VSIG2: variants seen among roughly 807,000 people sequenced by gnomAD.
VSIG2 encodes the protein V-set and immunoglobulin domain-containing protein 2.
VSIG2 carries 30 observed loss-of-function variants against 29.4 expected under a neutral mutation model. The ratio of observed to expected loss-of-function variants is 1.02; its 90% CI spans 0.76 to 1.38. VSIG2 has a LOEUF of 1.38. Ranked by LOEUF, VSIG2 falls within the 40% of genes most tolerant of loss-of-function variation. The pLI, the probability that VSIG2 is intolerant of heterozygous loss-of-function variation, is 0.00. For missense variants in VSIG2, 421 were observed against 400.8 expected (o/e 1.05, Z -0.43); for synonymous variants, 178 against 174.2 (o/e 1.02, Z -0.17).
intron 6 of VSIG2, among the ~76,000 whole-genome samples, chr11:124,747,945 C>G (rs755597039): frequency 2.0e-5 from 3 of 152,072 alleles, no homozygotes; most frequent in Admixed American, 1.3e-4. Context: ...TATCCTAGAC[C>G]CTGACTGGCA....
rs143897901 is a variant in VSIG2, at chr11:124,750,755, A to T, written c.386T>A (p.Phe129Tyr). The change falls in exon 3 of 7, where the codon TTC (phenylalanine) becomes TAC (tyrosine). Residue 129 changes from phenylalanine (F) to tyrosine (Y), a missense_variant. Transcript: ENST00000326621. ...GATTAGCCCCAACCCATTGGTGTAG[A>T]AATCTGGTGGGTTGTTGACTTGGCA... ...YLCQVNNPPD[F>Y]YTNGLGLINL... 10 of 1,613,402 alleles carry T rather than the reference A, an allele frequency of 6.2e-6. No homozygotes were observed. Among genetic ancestry groups the T allele is most frequent in the Middle Eastern group, 3.3e-4 (2 of 6,062 alleles).
intron 4 of VSIG2, among the ~76,000 whole-genome samples, chr11:124,749,008 G>A (rs984251992): frequency 1.3e-5 from 2 of 152,114 alleles, no homozygotes; most frequent in African/African-American, 4.8e-5. Flanking sequence ...GGGAGGAGGA[G>A]GACTGCACAC....
intron 3 of VSIG2, 148 bp downstream of exon 3, chr11:124,750,566 A>C (rs1196050171): frequency 6.9e-6 from 5 of 721,270 alleles, no homozygotes; most frequent in Non-Finnish European, 1.1e-5. Flanking sequence ...GAATTAGAAG[A>C]CTTGGAAAGG....
rs1047239858 is a variant in VSIG2, at chr11:124,752,164, T to G, written c.-27A>C. ...GCCGCGTCCGGCCGTCCTGTCCTGCTCCTGCCAGGTGGGCGGTCAAGGTCG... is the reference window on the plus strand; with the variant it reads ...GCCGCGTCCGGCCGTCCTGTCCTGCGCCTGCCAGGTGGGCGGTCAAGGTCG... On this transcript the variant is annotated 5_prime_UTR_variant, in exon 1 of 7. Transcript: ENST00000326621. 6.5e-7 allele frequency: 1 copy of G among 1,547,464 alleles called. No individual in the cohort carries two copies. Among genetic ancestry groups the G allele is most frequent in the African/African-American group, 1.4e-5 (1 of 73,150 alleles).
intron 1 of VSIG2, 102 bp from the exon 2 acceptor site, chr11:124,751,682 C>T: frequency 2.4e-6 from 3 of 1,271,870 alleles, no homozygotes; most frequent in Non-Finnish European, 3.2e-6. Context: ...GGCTCCCTCC[C>T]CAGAGCACAA....
intron 2 of VSIG2, 131 bp from the exon 3 acceptor site, chr11:124,751,052 GGAACTCCAAA>G: frequency 2.1e-6 from 2 of 941,490 alleles, no homozygotes; most frequent in Non-Finnish European, 3.1e-6. Flanking sequence ...CCCTTAAGCT[GGAACTCCAAA>G]GGTCTCTCTG....
intron 2 of VSIG2, 22 bp from the exon 3 acceptor site, chr11:124,750,943 A>T: frequency 3.1e-6 from 5 of 1,611,294 alleles, no homozygotes; most frequent in Non-Finnish European, 4.2e-6. Flanking sequence ...CAGAAGACAC[A>T]CATATGTGCC....
At chr11:124,751,906 C>A (rs1026277440) in intron 1 of VSIG2, among the ~76,000 whole-genome samples, 171 bp downstream of exon 1, 9 of 152,218 alleles carry the variant, frequency 5.9e-5, no homozygotes, top group African/African-American at 2.2e-4. Flanking sequence ...CTCTCCTACG[C>A]CCTCCGGGCC....
Position 124,752,099 on chromosome 11 carries a change from C to CAGGGCCCCGCAGAGAA in VSIG2, c.23_38dup (p.Leu14SerfsTer62), listed in dbSNP as rs764439746. Reference sequence around the variant, plus strand: ...CACCACTCAGGCACAGGAAGCCTAGCAGGGCCCCGCAGAGAAAGGGCCCCG... The same window carrying CAGGGCCCCGCAGAGAA: ...CACCACTCAGGCACAGGAAGCCTAGCAGGGCCCCGCAGAGAAAGGGCCCCGCAGAGAAAGGGCCCCG... On this transcript the variant is annotated frameshift_variant, in exon 1 of 7. Transcript: ENST00000326621. LOFTEE classifies it high-confidence loss of function. 8 of 1,606,686 alleles carry CAGGGCCCCGCAGAGAA rather than the reference C, an allele frequency of 5.0e-6. No homozygotes were observed. The highest frequency in any genetic ancestry group is 5.9e-6 in the Non-Finnish European group (7 of 1,178,848).
At chr11:124,749,645 G>T (rs975604077) in intron 4 of VSIG2, 63 bp downstream of exon 4, 3 of 1,575,182 alleles carry the variant, frequency 1.9e-6, no homozygotes, top group Admixed American at 3.7e-5. Context: ...CGGGTGTGTG[G>T]GATTTAGAGA....
chr11:124,749,883 A>AAAAAAAAAAAAAC lies in VSIG2; in HGVS notation c.428-30_428-18dup. 12 of 1,513,390 alleles carry AAAAAAAAAAAAAC rather than the reference A, an allele frequency of 7.9e-6. No individual in the cohort carries two copies. In the African/African-American group the frequency reaches 1.2e-4, roughly 15 times the overall value. The allele number at this position is 1,513,390 out of a possible 1,614,324, so 93.7% of individuals were successfully genotyped here. On this transcript the variant is annotated splice_polypyrimidine_tract_variant and intron_variant, in intron 3 of 6. Coordinates refer to ENST00000326621, the MANE Select transcript of VSIG2 (RefSeq NM_014312.5). ...TGGGGGGAACTGCAAAAAAAAAAAA[A>AAAAAAAAAAAAAC]AAAAAAAAAAAACAGAAAGTTCCTC...
At position 124,751,474 on chromosome 11, in the gene VSIG2, G is replaced by A. The variant is rs1259060741; in HGVS notation, c.168C>T (p.Ala56=). 3 of 1,613,054 alleles carry A rather than the reference G, an allele frequency of 1.9e-6. No individual in the cohort carries two copies. Among genetic ancestry groups the A allele is most frequent in the Non-Finnish European group, 2.5e-6 (3 of 1,179,972 alleles). ...TYSTSVGDSF[A]LEWSFVQPGK... is the part of the protein sequence containing the mutation. ...CAGGCTGCACAAAGCTCCACTCCAGGGCGAAGCTGTCTCCCACCGACGTGC... is the reference window on the plus strand; with the variant it reads ...CAGGCTGCACAAAGCTCCACTCCAGAGCGAAGCTGTCTCCCACCGACGTGC... Residue 56 remains alanine (A), a synonymous_variant, in exon 2 of 7, where the codon GCC becomes GCT. Transcript: ENST00000326621.
In VSIG2 at chr11:124,749,780, C is replaced by T. The variant is rs761277380; in HGVS notation, c.514G>A (p.Ala172Thr). Residue 172 changes from alanine (A) to threonine (T), a missense_variant, in exon 4 of 7, where the codon GCT becomes ACT. By Grantham distance (58) the Ala-to-Thr change is moderately conservative. Coordinates refer to ENST00000326621, the MANE Select transcript of VSIG2 (RefSeq NM_014312.5). ...TALRCSSSEG[A>T]PKPVYNWVRL... ...ACCCAGTTGTACACTGGCTTAGGAG[C>T]CCCCTCGGAAGAGCTGCATCTCAGT... The T allele has an allele frequency of 5.6e-6, 9 of 1,613,018 alleles. 1 individual carries two copies. Among genetic ancestry groups the T allele is most frequent in the South Asian group, 2.2e-5 (2 of 91,038 alleles).
rs746501488 is a variant in VSIG2 at position 124,748,656 on chromosome 11, G to T, written c.694C>A (p.Leu232Ile). 1 of 1,613,376 alleles carries T rather than the reference G, an allele frequency of 6.2e-7. No individual in the cohort carries two copies. The highest frequency in any genetic ancestry group is 2.2e-5 in the East Asian group (1 of 44,886). ...QMGSASCELT[L>I]SVTEPSQGRV... ...CCAGCATCCCTACCGGTCACAGAGA[G>T]GGTCAGCTCACAGGATGCACTGCCC... Residue 232 changes from leucine (L) to isoleucine (I), a missense_variant, in exon 5 of 7, where the codon CTC (leucine) becomes ATC (isoleucine). Transcript: ENST00000326621.
rs1409432710 is a variant in VSIG2, at chr11:124,747,962, G to T, written c.852-295C>A. On this transcript the variant is annotated intron_variant, in intron 6 of 6. Transcript: ENST00000326621. ...TCCTAGACCCTGACTGGCAGCTAAAGTGGATGACAGAGGCAGTTTCCCCTC... is the reference window on the plus strand; with the variant it reads ...TCCTAGACCCTGACTGGCAGCTAAATTGGATGACAGAGGCAGTTTCCCCTC... The T allele has an allele frequency of 1.6e-5, 6 of 380,868 alleles. No homozygotes were observed. The Middle Eastern group carries it at 2.2e-3, about 137-fold the overall frequency. 23.6% of individuals were successfully genotyped at this position (380,868 alleles called of 1,614,324 possible). A position where few individuals can be genotyped will look rare whatever the true frequency, so the allele number is the denominator to read the frequency against.
Position 124,748,044 on chromosome 11 carries a change from T to G in VSIG2, c.851+346A>C, listed in dbSNP as rs1008783783. ...AACTCAGCTGACTGCTCAGGACAAA[T>G]CCATTTCCTGGCATCTACAAGCCAC... On this transcript the variant is annotated intron_variant, in intron 6 of 6. Transcript: ENST00000326621. 1.1e-5 allele frequency: 4 copies of G among 352,806 alleles called. No individual in the cohort carries two copies. In the South Asian group the frequency reaches 2.0e-4, roughly 18 times the overall value. The allele number at this position is 352,806 out of a possible 1,614,324, so 21.9% of individuals were successfully genotyped here. A position where few individuals can be genotyped will look rare whatever the true frequency, so the allele number is the denominator to read the frequency against.
At chr11:124,751,029 AG>A (rs1051161473) in intron 2 of VSIG2, 108 bp from the exon 3 acceptor site, 2 of 1,159,312 alleles carry the variant, frequency 1.7e-6, no homozygotes, top group Non-Finnish European at 1.2e-6. Context: ...TACATCAGCC[AG>A]GGAGGCTGAT....
Position 124,749,885 on chromosome 11 carries a change from A to ACAAAAC in VSIG2, c.428-20_428-19insGTTTTG. On this transcript the variant is annotated intron_variant, in intron 3 of 6. Transcript: ENST00000326621. ...GGGGGAACTGCAAAAAAAAAAAAAAAAAAAAAAAAACAGAAAGTTCCTCAG... is the reference window on the plus strand; with the variant it reads ...GGGGGAACTGCAAAAAAAAAAAAAAACAAAACAAAAAAAAAACAGAAAGTTCCTCAG... The ACAAAAC allele has an allele frequency of 7.1e-7, 1 of 1,417,534 alleles. No homozygotes were observed. 87.8% of individuals were successfully genotyped at this position (1,417,534 alleles called of 1,614,324 possible). A position where few individuals can be genotyped will look rare whatever the true frequency, so the allele number is the denominator to read the frequency against.
chr11:124,750,713 C>T lies in VSIG2; in HGVS notation c.427+1G>A. On this transcript the variant is annotated splice_donor_variant, in intron 3 of 6. Transcript: ENST00000326621. LOFTEE classifies it high-confidence loss of function. The stretch of plus-strand genomic sequence containing the variant: ...GCTCGTGGATCCCCAGTCTGCCTTA[C>T]CCAGCACAGTAAGGTTGATTAGCCC... The T allele has an allele frequency of 6.2e-7, 1 of 1,613,800 alleles. No homozygotes were observed. Among genetic ancestry groups the T allele is most frequent in the Non-Finnish European group, 8.5e-7 (1 of 1,179,936 alleles).
Sources: gnomAD v4.1 joint callset for allele counts (sites outside exome capture counted in the v4.1 genomes callset) on GRCh38, gnomAD v4.1.1 for gene constraint, MANE v1.5 for transcripts, NCBI Gene and HGNC (gene_info 2026-07-23, HGNC 2026-07-21) for gene names.